The following STPG2 variants were observed in gnomAD, a reference collection of about 807,000 sequenced individuals.
STPG2 encodes sperm tail PG-rich repeat containing 2, also known as sperm-tail PG-rich repeat-containing protein 2.
Under a neutral mutation model 54.2 loss-of-function variants are expected in STPG2, and 56 were observed. That is an observed-to-expected ratio of 1.03 (90% CI 0.83 to 1.29). The LOEUF (loss-of-function observed/expected upper bound fraction) is 1.29, where lower values mean the gene tolerates loss of function less well. Among genes scored for constraint, STPG2 ranks in the 50% most tolerant of loss-of-function variants. The pLI is 0.00. For synonymous variants in STPG2, 200 were observed against 181.8 expected, an observed-to-expected ratio of 1.10 and a Z score of -0.81; for missense variants, 596 against 544.9, an observed-to-expected ratio of 1.09 and a Z score of -0.93.
intron 9 of STPG2, among the ~76,000 whole-genome samples, chr4:97,738,161 T>A (rs1725083661): frequency 1.3e-5 from 2 of 152,160 alleles, no homozygotes; most frequent in South Asian, 4.1e-4. Context: ...AAGGAAATGC[T>A]GAGAGATTTT....
rs1394224174 is a variant in STPG2, at chr4:97,943,769, G to A, written c.1044+128C>T. The A allele has an allele frequency of 3.1e-5, 18 of 571,894 alleles. No individual in the cohort carries two copies. In the South Asian group the frequency reaches 4.0e-4, roughly 13 times the overall value. The allele number at this position is 571,894 out of a possible 1,614,324, so 35.4% of individuals were successfully genotyped here. A position where few individuals can be genotyped will look rare whatever the true frequency, so the allele number is the denominator to read the frequency against. ...TGAACTTTAAAAATATAAAAGTATC[G>A]GTCTAGCCAAGGAGGTTACAGCACG... On this transcript the variant is annotated intron_variant, in intron 8 of 10. Coordinates refer to ENST00000295268, the MANE Select transcript of STPG2 (RefSeq NM_174952.3).
At chr4:97,567,605 GA>G (rs1204620573) in intron 10 of STPG2, among the ~76,000 whole-genome samples, 1 of 151,776 alleles carries the variant, frequency 6.6e-6, no homozygotes, top group East Asian at 1.9e-4. Context: ...CCAAATATAG[GA>G]AATTGGTTAA....
intron 9 of STPG2, among the ~76,000 whole-genome samples, chr4:97,732,827 T>C (rs1366354311): frequency 6.6e-6 from 1 of 152,024 alleles, no homozygotes; most frequent in Non-Finnish European, 1.5e-5. Context: ...CCAACAAACA[T>C]GAAAAAATGC....
At chr4:98,036,436 G>C (rs1398266247) in intron 5 of STPG2, among the ~76,000 whole-genome samples, 1 of 152,058 alleles carries the variant, frequency 6.6e-6, no homozygotes, top group Non-Finnish European at 1.5e-5. Context: ...ACTAGATAAA[G>C]AAAATGTGGT....
chr4:97,819,495 T>C (rs1728016780), intron 9 of STPG2, among the ~76,000 whole-genome samples: 1 of 152,112 alleles, frequency 6.6e-6, no homozygotes, highest in African/African-American at 2.4e-5. Flanking sequence ...ATCACAATGT[T>C]ATTTTCATGA....
At chr4:97,447,172 G>A (rs1263586166) in intron 4 of STPG2, among the ~76,000 whole-genome samples, 1 of 152,178 alleles carries the variant, frequency 6.6e-6, no homozygotes, top group Non-Finnish European at 1.5e-5. Context: ...CAAAGTGACT[G>A]GCAGAATTTT....
At chr4:98,138,166 C>A (rs950889269) in intron 1 of STPG2, among the ~76,000 whole-genome samples, 2 of 151,968 alleles carry the variant, frequency 1.3e-5, no homozygotes, top group Non-Finnish European at 2.9e-5. Flanking sequence ...ACTCTGCCCT[C>A]AAGTAGTGGG....
chr4:97,812,803 C>G (rs747270694), intron 9 of STPG2, among the ~76,000 whole-genome samples: 10 of 152,122 alleles, frequency 6.6e-5, no homozygotes, highest in Non-Finnish European at 1.3e-4. Flanking sequence ...TTTTTATTTT[C>G]AGGCCAGACA....
chr4:97,921,471 G>T (rs1732104946), intron 8 of STPG2, among the ~76,000 whole-genome samples: 2 of 151,838 alleles, frequency 1.3e-5, no homozygotes, highest in Admixed American at 1.3e-4. Flanking sequence ...CCATGGAAAA[G>T]AACCCAAAAA....
chr4:97,942,108 G>T (rs1383245942), intron 8 of STPG2, among the ~76,000 whole-genome samples: 1 of 150,452 alleles, frequency 6.6e-6, no homozygotes, highest in Non-Finnish European at 1.5e-5. Context: ...ACATATATAT[G>T]TATAGATACG....
At chr4:97,745,505 C>T (rs1578528767) in intron 9 of STPG2, among the ~76,000 whole-genome samples, 2 of 150,952 alleles carry the variant, frequency 1.3e-5, no homozygotes, top group South Asian at 2.1e-4. Context: ...GGACTTTAAA[C>T]TATGCTATAA....
intron 10 of STPG2, among the ~76,000 whole-genome samples, chr4:97,604,675 GA>G (rs1416941846): frequency 2.6e-5 from 4 of 151,618 alleles, no homozygotes; most frequent in African/African-American, 9.7e-5. Context: ...AAAATTCAAA[GA>G]AATAAGGCTT....
At chr4:97,637,884 G>A (rs1427945257) in intron 10 of STPG2, among the ~76,000 whole-genome samples, 1 of 152,080 alleles carries the variant, frequency 6.6e-6, no homozygotes, top group Non-Finnish European at 1.5e-5. Context: ...CTCATGGGTA[G>A]GAAGAATCAA....
intron 8 of STPG2, among the ~76,000 whole-genome samples, chr4:97,926,600 T>C (rs1391558822): frequency 6.6e-6 from 1 of 152,200 alleles, no homozygotes; most frequent in Non-Finnish European, 1.5e-5. Flanking sequence ...AGTAAAACAC[T>C]TATTCTTTCC....
rs545542277 is a variant in STPG2, at chr4:97,905,415, T to C, written c.1044+38482A>G. ...ACAGACAAGCAAATGCTGAGAGATT[T>C]TGTCACCACCAGGCCTGCCCTAAAA... On this transcript the variant is annotated intron_variant, in intron 8 of 10. Coordinates refer to ENST00000295268, the MANE Select transcript of STPG2 (RefSeq NM_174952.3). Among the ~76,000 whole-genome samples, 526 of 152,060 alleles carry C rather than the reference T, an allele frequency of 3.5e-3. 4 individuals carry two copies. Among genetic ancestry groups the C allele is most frequent in the African/African-American group, 0.012 (506 of 41,464 alleles).
chr4:97,968,907 T>C (rs548294124), intron 7 of STPG2, among the ~76,000 whole-genome samples: 3 of 152,320 alleles, frequency 2.0e-5, no homozygotes, highest in South Asian at 2.1e-4. Flanking sequence ...AGAGAGCCTA[T>C]GAACGGATGT....
At chr4:97,603,198 A>G (rs554125850) in intron 10 of STPG2, among the ~76,000 whole-genome samples, 1 of 151,920 alleles carries the variant, frequency 6.6e-6, no homozygotes, top group East Asian at 1.9e-4. Flanking sequence ...CAAATATCCA[A>G]CAAACACACA....
intron 5 of STPG2, among the ~76,000 whole-genome samples, chr4:98,040,855 G>C (rs1170786857): frequency 2.6e-5 from 4 of 151,682 alleles, no homozygotes; most frequent in African/African-American, 9.7e-5. Context: ...CTACTTCTGT[G>C]AAAAACGACA....
chr4:97,454,519 C>CAAAAAAAA lies in STPG2; in HGVS notation c.462+258172_462+258179dup, dbSNP rs10564687. On this transcript the variant is annotated intron_variant, in intron 4 of 4. Transcript: ENST00000522676. ...TGGGCGACAGAGCGAGACTCCGTCT[C>CAAAAAAAA]AAAAAAAAAAAAAAAAAAAAAAAAA... 2.7e-4 allele frequency among the ~76,000 whole-genome samples: 12 copies of CAAAAAAAA among 43,692 alleles called. 2 individuals are homozygous for CAAAAAAAA. The highest frequency in any genetic ancestry group is 7.3e-4 in the Non-Finnish European group (10 of 13,696). 28.7% of individuals were successfully genotyped at this position (43,692 alleles called of 152,430 possible).
Sources: allele counts gnomAD v4.1 joint callset (sites outside exome capture counted in the v4.1 genomes callset), GRCh38; gene constraint gnomAD v4.1.1; transcripts MANE v1.5; gene names NCBI Gene and HGNC (gene_info 2026-07-23, HGNC 2026-07-21).